MEI4: variants seen among roughly 807,000 people sequenced by gnomAD.
MEI4 encodes meiosis-specific protein MEI4.
Under a neutral mutation model 31.4 loss-of-function variants are expected in MEI4, and 27 were observed. That is an observed-to-expected ratio of 0.86 (90% CI 0.63 to 1.19). The LOEUF is 1.19. Ranked by LOEUF, MEI4 falls within the 50% of genes most tolerant of loss-of-function variation. MEI4 has a pLI of 0.00. For synonymous variants in MEI4, 122 were observed against 145.4 expected, an observed-to-expected ratio of 0.84 and a Z score of 1.16; for missense variants, 329 against 398.9, an observed-to-expected ratio of 0.82 and a Z score of 1.49.
intron 3 of MEI4, among the ~76,000 whole-genome samples, chr6:77,826,329 G>A (rs892882541): frequency 3.9e-5 from 6 of 152,120 alleles, no homozygotes; most frequent in Non-Finnish European, 7.4e-5. Flanking sequence ...ATATGACTTT[G>A]TTCTACACCC....
chr6:77,658,206 G>A (rs1223457321), intron 1 of MEI4, among the ~76,000 whole-genome samples: 2 of 152,246 alleles, frequency 1.3e-5, no homozygotes, highest in East Asian at 1.9e-4. Flanking sequence ...CGGGCAGGGG[G>A]TGGGTCTCAC....
intron 2 of MEI4, among the ~76,000 whole-genome samples, chr6:77,738,566 T>C (rs914057015): frequency 2.6e-5 from 4 of 152,180 alleles, no homozygotes; most frequent in African/African-American, 4.8e-5. Flanking sequence ...TGTGCATGTG[T>C]CTTTATAGTA....
intron 1 of MEI4, among the ~76,000 whole-genome samples, chr6:77,664,060 G>A (rs543409621): frequency 1.1e-4 from 16 of 152,230 alleles, no homozygotes; most frequent in Middle Eastern, 3.2e-3. Context: ...ACGCCTGGCC[G>A]TTGCGATTCA....
intron 2 of MEI4, among the ~76,000 whole-genome samples, chr6:77,752,925 C>T (rs149373529): frequency 1.1e-3 from 173 of 152,186 alleles, no homozygotes; most frequent in African/African-American, 3.8e-3. Flanking sequence ...TGGAACAGAA[C>T]GGAGTCCTCA....
intron 1 of MEI4, among the ~76,000 whole-genome samples, chr6:77,684,941 T>G (rs576950311): frequency 6.6e-6 from 1 of 152,258 alleles, no homozygotes. Context: ...TTCTCCATAG[T>G]GGTTGTACTA....
At chr6:77,669,944 C>A (rs144347929) in intron 1 of MEI4, among the ~76,000 whole-genome samples, 1 of 152,164 alleles carries the variant, frequency 6.6e-6, no homozygotes, top group East Asian at 1.9e-4. Flanking sequence ...CTTGTGTAGT[C>A]ACAGAATCAG....
intron 4 of MEI4, among the ~76,000 whole-genome samples, chr6:77,910,442 CT>C (rs1174047083): frequency 6.6e-6 from 1 of 152,136 alleles, no homozygotes; most frequent in Non-Finnish European, 1.5e-5. Context: ...CATGAGTGAA[CT>C]CTCATTCACA....
chr6:77,756,613 C>G (rs1446107168), intron 2 of MEI4, among the ~76,000 whole-genome samples: 1 of 147,508 alleles, frequency 6.8e-6, no homozygotes, highest in Middle Eastern at 3.7e-3. Flanking sequence ...CCCTCCCTCC[C>G]TCTCTCTCTC....
intron 4 of MEI4, among the ~76,000 whole-genome samples, chr6:77,878,961 C>T (rs1771413049): frequency 6.6e-6 from 1 of 152,076 alleles, no homozygotes; most frequent in Admixed American, 6.6e-5. Context: ...TTTGCATACT[C>T]AGTGACCTAA....
At chr6:77,690,154 G>A (rs1217437289) in intron 1 of MEI4, among the ~76,000 whole-genome samples, 6 of 151,940 alleles carry the variant, frequency 3.9e-5, no homozygotes, top group Non-Finnish European at 8.8e-5. Flanking sequence ...GAAATAGCAG[G>A]TAAAAGGTTC....
chr6:77,877,068 A>G (rs1226916944), intron 4 of MEI4, among the ~76,000 whole-genome samples: 2 of 152,156 alleles, frequency 1.3e-5, no homozygotes, highest in Non-Finnish European at 2.9e-5. Context: ...ATAATGTGCA[A>G]CATTTAAGAA....
chr6:77,794,453 C>G (rs1316902586), intron 3 of MEI4, among the ~76,000 whole-genome samples: 1 of 152,002 alleles, frequency 6.6e-6, no homozygotes, highest in East Asian at 1.9e-4. Flanking sequence ...GTCCCAGCTA[C>G]TCGGGAGGGT....
At chr6:77,900,467 T>C (rs763499388) in intron 4 of MEI4, among the ~76,000 whole-genome samples, 1 of 151,936 alleles carries the variant, frequency 6.6e-6, no homozygotes, top group Non-Finnish European at 1.5e-5. Flanking sequence ...CTATAGAAAT[T>C]ATAGTGACAA....
intron 4 of MEI4, among the ~76,000 whole-genome samples, chr6:77,866,207 A>G (rs1054125692): frequency 4.6e-5 from 7 of 152,108 alleles, no homozygotes; most frequent in African/African-American, 1.7e-4. Context: ...CCTATTCAAC[A>G]TAGTGTTGGA....
intron 3 of MEI4, among the ~76,000 whole-genome samples, chr6:77,764,588 C>G (rs1768123161): frequency 6.6e-6 from 1 of 152,126 alleles, no homozygotes; most frequent in Non-Finnish European, 1.5e-5. Context: ...CTGACTTGAA[C>G]AACACTGTAG....
In MEI4 at chr6:77,926,915, G is replaced by A. The variant is rs922013990; in HGVS notation, c.*3569G>A. The A allele has an allele frequency of 9.2e-5, 14 of 151,650 alleles. No individual in the cohort carries two copies. Among genetic ancestry groups the A allele is most frequent in the South Asian group, 8.3e-4 (4 of 4,814 alleles). The allele number at this position is 151,650 out of a possible 1,614,324, so 9.4% of individuals were successfully genotyped here. ...TTATTGTTAAAAGTTAATTGATTCC[G>A]AATTATTTATAGAATTGTATAATAC... On this transcript the variant is annotated 3_prime_UTR_variant, in exon 5 of 5. Transcript: ENST00000684080.
At chr6:77,783,897 C>G (rs1768662453) in intron 3 of MEI4, among the ~76,000 whole-genome samples, 1 of 151,906 alleles carries the variant, frequency 6.6e-6, no homozygotes, top group Admixed American at 6.6e-5. Flanking sequence ...TATATTTTGC[C>G]AGAAGATACG....
chr6:77,781,843 C>T (rs919966713), intron 3 of MEI4, among the ~76,000 whole-genome samples: 11 of 152,132 alleles, frequency 7.2e-5, no homozygotes, highest in African/African-American at 2.7e-4. Flanking sequence ...CCTGATAGCC[C>T]AAGGCCCTGT....
intron 4 of MEI4, among the ~76,000 whole-genome samples, chr6:77,913,333 A>G (rs1167590868): frequency 6.6e-6 from 1 of 152,086 alleles, no homozygotes; most frequent in Non-Finnish European, 1.5e-5. Flanking sequence ...ACTCCTCTTC[A>G]GTTGTTTGGA....
Sources: gnomAD v4.1 joint callset for allele counts (sites outside exome capture counted in the v4.1 genomes callset) on GRCh38, gnomAD v4.1.1 for gene constraint, MANE v1.5 for transcripts, NCBI Gene and HGNC (gene_info 2026-07-23, HGNC 2026-07-21) for gene names.